TMEM132D: variants seen among roughly 807,000 people sequenced by gnomAD.
The protein encoded by TMEM132D is transmembrane protein 132D.
In TMEM132D, 21 loss-of-function variants were observed where a neutral mutation model predicts 62.3. The ratio of observed to expected loss-of-function variants is 0.34; its 90% CI spans 0.24 to 0.49. The LOEUF is 0.49. Ranked by LOEUF, TMEM132D falls within the 20% of genes least tolerant of loss-of-function variation. The pLI is 0.99. For missense variants in TMEM132D, 1,346 were observed against 1,402.8 expected, an observed-to-expected ratio of 0.96 and a Z score of 0.65; for synonymous variants, 621 against 575.6, an observed-to-expected ratio of 1.08 and a Z score of -1.13.
At chr12:129,280,037 C>T (rs147977676) in intron 4 of TMEM132D, among the ~76,000 whole-genome samples, 12 of 152,304 alleles carry the variant, frequency 7.9e-5, no homozygotes, top group Admixed American at 7.8e-4. Context: ...ATGTTAATTA[C>T]ACTTTATCCA....
intron 2 of TMEM132D, among the ~76,000 whole-genome samples, chr12:129,622,724 A>C (rs1360035098): frequency 6.6e-6 from 1 of 152,134 alleles, no homozygotes; most frequent in African/African-American, 2.4e-5. Flanking sequence ...CTTCTTTTCC[A>C]TGTGGTCCCA....
chr12:129,172,160 A>G (rs1041239669), intron 5 of TMEM132D, among the ~76,000 whole-genome samples: 8 of 152,238 alleles, frequency 5.3e-5, no homozygotes, highest in Admixed American at 5.2e-4. Flanking sequence ...TATATTGTGA[A>G]GATGGCTTCT....
intron 2 of TMEM132D, among the ~76,000 whole-genome samples, chr12:129,694,758 C>G (rs1881155484): frequency 6.6e-6 from 1 of 152,202 alleles, no homozygotes; most frequent in African/African-American, 2.4e-5. Context: ...CCTGTAATCC[C>G]AGCACTTTGG....
chr12:129,601,050 T>C (rs960438070), intron 2 of TMEM132D, among the ~76,000 whole-genome samples: 3 of 152,190 alleles, frequency 2.0e-5, no homozygotes, highest in African/African-American at 4.8e-5. Flanking sequence ...GGCTGTGTCA[T>C]TTACACGGAA....
At chr12:129,850,635 T>C (rs937608143) in intron 1 of TMEM132D, among the ~76,000 whole-genome samples, 1 of 152,188 alleles carries the variant, frequency 6.6e-6, no homozygotes, top group Admixed American at 6.5e-5. Context: ...ATGTCTTCTA[T>C]AGGAATCAGG....
Position 129,514,061 on chromosome 12 carries a change from G to A in TMEM132D, c.1115+16998C>T, listed in dbSNP as rs570298785. Among the ~76,000 whole-genome samples, 15 of 149,836 alleles carry A rather than the reference G, an allele frequency of 1.0e-4. 2 individuals carry two copies. The highest frequency in any genetic ancestry group is 2.2e-4 in the African/African-American group (9 of 40,762). On this transcript the variant is annotated intron_variant, in intron 3 of 8. Coordinates refer to ENST00000422113, the MANE Select transcript of TMEM132D (RefSeq NM_133448.3). ...TCACTGTGTCAGCCAGGATGGTCTC[G>A]ATCCCCTGACCTTGTGATCCGCCCG... is the stretch of plus-strand genomic sequence containing the variant.
At chr12:129,741,212 C>T (rs1289927277) in intron 1 of TMEM132D, among the ~76,000 whole-genome samples, 3 of 152,186 alleles carry the variant, frequency 2.0e-5, no homozygotes, top group South Asian at 4.1e-4. Context: ...GATCTCTTCT[C>T]TTAATGGCCA....
intron 5 of TMEM132D, among the ~76,000 whole-genome samples, chr12:129,126,646 C>T (rs781322376): frequency 6.6e-6 from 1 of 152,060 alleles, no homozygotes; most frequent in Non-Finnish European, 1.5e-5. Context: ...CATACATACG[C>T]GTTTGGCAGG....
intron 4 of TMEM132D, among the ~76,000 whole-genome samples, chr12:129,212,945 A>G (rs527738611): frequency 6.6e-6 from 1 of 152,280 alleles, no homozygotes; most frequent in South Asian, 2.1e-4. Context: ...AGAAATAATG[A>G]CCCATGTCTT....
intron 1 of TMEM132D, among the ~76,000 whole-genome samples, chr12:129,762,044 A>G (rs983139695): frequency 6.6e-6 from 1 of 152,180 alleles, no homozygotes; most frequent in South Asian, 2.1e-4. Flanking sequence ...GCAGATAAAG[A>G]TGAGACATGA....
At chr12:129,870,105 C>T (rs1468376931) in intron 1 of TMEM132D, among the ~76,000 whole-genome samples, 1 of 152,164 alleles carries the variant, frequency 6.6e-6, no homozygotes, top group African/African-American at 2.4e-5. Flanking sequence ...CCTTCAGCCT[C>T]CCGAGTAGCT....
intron 3 of TMEM132D, among the ~76,000 whole-genome samples, chr12:129,343,587 T>TA (rs1035863295): frequency 3.3e-5 from 5 of 151,276 alleles, no homozygotes; most frequent in Non-Finnish European, 5.9e-5. Context: ...ATAATAAAAT[T>TA]AAAAAAAAGA....
At chr12:129,326,064 C>T (rs1453081425) in intron 4 of TMEM132D, among the ~76,000 whole-genome samples, 3 of 152,266 alleles carry the variant, frequency 2.0e-5, no homozygotes, top group African/African-American at 4.8e-5. Context: ...TTAACAGGCT[C>T]GGGGCTGACC....
Position 129,837,896 on chromosome 12 carries a change from C to T in TMEM132D, c.79+65365G>A, listed in dbSNP as rs137932306. Among the ~76,000 whole-genome samples the T allele has an allele frequency of 4.7e-3, 722 of 152,224 alleles. 7 individuals are homozygous for T. Among genetic ancestry groups the T allele is most frequent in the African/African-American group, 0.017 (698 of 41,530 alleles). Reference sequence around the variant, plus strand: ...AGTTTGGAGGCAGATTTCCAAAAACCCTGGAACGGCTAAGTTAATACATCT... The same window carrying T: ...AGTTTGGAGGCAGATTTCCAAAAACTCTGGAACGGCTAAGTTAATACATCT... On this transcript the variant is annotated intron_variant, in intron 1 of 8. Coordinates refer to ENST00000422113, the MANE Select transcript of TMEM132D (RefSeq NM_133448.3).
chr12:129,691,445 C>T (rs2137217063), intron 2 of TMEM132D, among the ~76,000 whole-genome samples: 1 of 151,900 alleles, frequency 6.6e-6, no homozygotes, highest in Admixed American at 6.5e-5. Context: ...CTCAGGCTAA[C>T]AAGGAAAAAG....
At chr12:129,777,872 C>G (rs1412285622) in intron 1 of TMEM132D, among the ~76,000 whole-genome samples, 3 of 151,932 alleles carry the variant, frequency 2.0e-5, no homozygotes, top group Non-Finnish European at 4.4e-5. Context: ...GGTGGCTCAC[C>G]CCTGTAATCC....
At chr12:129,693,897 CA>C (rs1881127504) in intron 2 of TMEM132D, among the ~76,000 whole-genome samples, 2 of 152,294 alleles carry the variant, frequency 1.3e-5, no homozygotes, top group Admixed American at 1.3e-4. Flanking sequence ...GGACCTCCCC[CA>C]GACATGCTTC....
At chr12:129,311,907 G>C (rs80084680) in intron 4 of TMEM132D, among the ~76,000 whole-genome samples, 1,912 of 152,276 alleles carry the variant, frequency 0.013, 43 homozygotes, top group African/African-American at 0.043. Flanking sequence ...CAGGCTTGTG[G>C]GGACCAGGAA....
chr12:129,627,701 T>C (rs1879257931), intron 2 of TMEM132D, among the ~76,000 whole-genome samples: 3 of 152,116 alleles, frequency 2.0e-5, no homozygotes, highest in African/African-American at 7.2e-5. Flanking sequence ...AAAATAATAA[T>C]TTAGACCAGG....
Sources: gnomAD v4.1 joint callset for allele counts (sites outside exome capture counted in the v4.1 genomes callset) on GRCh38, gnomAD v4.1.1 for gene constraint, MANE v1.5 for transcripts, NCBI Gene and HGNC (gene_info 2026-07-23, HGNC 2026-07-21) for gene names.